Variants in TMEM204 observed in about 807,000 individuals in gnomAD.
The protein encoded by TMEM204 is transmembrane protein 204.
Under a neutral mutation model 19.4 loss-of-function variants are expected in TMEM204, and 15 were observed. The observed-to-expected ratio is 0.77, with a 90% CI of 0.52 to 1.19. TMEM204 has a LOEUF of 1.19. TMEM204 is among the 50% of genes most tolerant of loss of function. The pLI is 0.00. For missense variants in TMEM204, 287 were observed against 321.2 expected (o/e 0.89, Z 0.81); for synonymous variants, 161 against 146.0 (o/e 1.10, Z -0.74).
chr16:1,553,734 C>T lies in TMEM204; in HGVS notation c.437-1048C>T. 8.8e-7 allele frequency: 1 copy of T among 1,139,234 alleles called. No individual in the cohort carries two copies. Among genetic ancestry groups the T allele is most frequent in the South Asian group, 2.0e-5 (1 of 50,936 alleles). 70.6% of individuals were successfully genotyped at this position (1,139,234 alleles called of 1,614,324 possible). A position where few individuals can be genotyped will look rare whatever the true frequency, so the allele number is the denominator to read the frequency against. ...CCAGGACAATCTGTGGCCACATCCC[C>T]ATGGCTGTAGGGGATGAGGAGGGGC... On this transcript the variant is annotated intron_variant, in intron 2 of 2. Transcript: ENST00000566264. The surrounding 1 kb of genome is among the most constrained non-coding windows in gnomAD (Gnocchi z 4.4).
rs904285860 is a variant in TMEM204, at chr16:1,534,117, C to T, written c.-159C>T. 23 of 858,620 alleles carry T rather than the reference C, an allele frequency of 2.7e-5. No homozygotes were observed. The East Asian group carries it at 3.8e-4, about 14-fold the overall frequency. 53.2% of individuals were successfully genotyped at this position (858,620 alleles called of 1,614,324 possible). On this transcript the variant is annotated 5_prime_UTR_variant, in exon 1 of 3. Coordinates refer to ENST00000566264, the MANE Select transcript of TMEM204 (RefSeq NM_024600.6). Reference sequence around the variant, plus strand: ...AGGAGGATAAGGCCGGGCCGAGAGGCGGCACACCTGGACCATCCCATGGGC... The same window carrying T: ...AGGAGGATAAGGCCGGGCCGAGAGGTGGCACACCTGGACCATCCCATGGGC...
intron 2 of TMEM204, chr16:1,552,994 C>T (rs1230857246): frequency 1.0e-6 from 1 of 985,146 alleles, no homozygotes; most frequent in Non-Finnish European, 1.2e-6. Flanking sequence ...CCAGGAGCTA[C>T]CCATGTATAA....
chr16:1,543,431 C>T (rs1351378271), intron 2 of TMEM204, among the ~76,000 whole-genome samples: 1 of 152,020 alleles, frequency 6.6e-6, no homozygotes, highest in South Asian at 2.1e-4. Flanking sequence ...AATAGCATGG[C>T]GTGGCCCTGG....
rs186611876 is a variant in TMEM204 at position 1,544,344 on chromosome 16, C to T, written c.436+2268C>T. Among the ~76,000 whole-genome samples the T allele has an allele frequency of 1.5e-4, 22 of 151,116 alleles. No individual in the cohort carries two copies. In the East Asian group the frequency reaches 3.5e-3, roughly 24 times the overall value. On this transcript the variant is annotated intron_variant, in intron 2 of 2. Coordinates refer to ENST00000566264, the MANE Select transcript of TMEM204 (RefSeq NM_024600.6). ...GACTACAGGCGCCCGCCACCATGCC[C>T]GGCTAATTTTTTTTGTATTTTTAGT...
At chr16:1,540,672 CGG>C in intron 1 of TMEM204, 1 of 230,086 alleles carries the variant, frequency 4.3e-6, no homozygotes, top group Non-Finnish European at 7.2e-6. Context: ...GATGCGGGCG[CGG>C]GGACCCGCTC....
intron 2 of TMEM204, among the ~76,000 whole-genome samples, chr16:1,549,994 TC>T (rs1886301573): frequency 6.6e-6 from 1 of 152,200 alleles, no homozygotes; most frequent in African/African-American, 2.4e-5. Context: ...CTCTTTTTTG[TC>T]GCCCAGGCTG....
chr16:1,534,994 C>T (rs562394141), intron 1 of TMEM204, among the ~76,000 whole-genome samples: 80 of 152,038 alleles, frequency 5.3e-4, no homozygotes, highest in African/African-American at 1.8e-3. Flanking sequence ...TGCTTGAGGC[C>T]AAGAGTTCAA....
chr16:1,555,319 G>A lies in TMEM204; in HGVS notation c.*293G>A. The A allele has an allele frequency of 2.4e-6, 1 of 416,956 alleles. No individual in the cohort carries two copies. Among genetic ancestry groups the A allele is most frequent in the Non-Finnish European group, 4.3e-6 (1 of 230,176 alleles). 25.8% of individuals were successfully genotyped at this position (416,956 alleles called of 1,614,324 possible). A position where few individuals can be genotyped will look rare whatever the true frequency, so the allele number is the denominator to read the frequency against. On this transcript the variant is annotated 3_prime_UTR_variant, in exon 3 of 3. Coordinates refer to ENST00000566264, the MANE Select transcript of TMEM204 (RefSeq NM_024600.6). ...AGCTGGAAGCTGAGACACAGGTTAGGTGGCGCGAGGCTGCCCTGCGCTCCG... is the reference window on the plus strand; with the variant it reads ...AGCTGGAAGCTGAGACACAGGTTAGATGGCGCGAGGCTGCCCTGCGCTCCG...
At chr16:1,535,620 C>A (rs2030985613) in intron 1 of TMEM204, among the ~76,000 whole-genome samples, 1 of 152,210 alleles carries the variant, frequency 6.6e-6, no homozygotes, top group Non-Finnish European at 1.5e-5. Flanking sequence ...CCATCCCCAA[C>A]CTGCCGCGCT....
rs1035592195 is a variant in TMEM204, at chr16:1,553,949, G to C, written c.437-833G>C. ...GCTCCTCAAAGATAAAACTGTAAGTGAAACTGTAGCATCAGCGACTAACTA... is the reference window on the plus strand; with the variant it reads ...GCTCCTCAAAGATAAAACTGTAAGTCAAACTGTAGCATCAGCGACTAACTA... On this transcript the variant is annotated intron_variant, in intron 2 of 2. Coordinates refer to ENST00000566264, the MANE Select transcript of TMEM204 (RefSeq NM_024600.6). The surrounding 1 kb of genome is among the most constrained non-coding windows in gnomAD (Gnocchi z 4.4). 1 of 1,286,688 alleles carries C rather than the reference G, an allele frequency of 7.8e-7. No homozygotes were observed. Among genetic ancestry groups the C allele is most frequent in the Non-Finnish European group, 1.0e-6 (1 of 988,364 alleles). 79.7% of individuals were successfully genotyped at this position (1,286,688 alleles called of 1,614,324 possible). A position where few individuals can be genotyped will look rare whatever the true frequency, so the allele number is the denominator to read the frequency against.
At position 1,551,766 on chromosome 16, in the gene TMEM204, T is replaced by C. The variant is rs2281230; in HGVS notation, c.437-3016T>C. On this transcript the variant is annotated intron_variant, in intron 2 of 2. Coordinates refer to ENST00000566264, the MANE Select transcript of TMEM204 (RefSeq NM_024600.6). The surrounding 1 kb of genome is among the most constrained non-coding windows in gnomAD (Gnocchi z 4.0). The stretch of plus-strand genomic sequence containing the variant: ...TATACAAAGGAGGCCACACCACACG[T>C]GCGTGGTCCGGCAGATCCGGCAAGA... 0.37 allele frequency among the ~76,000 whole-genome samples: 56,399 copies of C among 152,016 alleles called. 12,416 individuals carry two copies. The highest frequency in any genetic ancestry group is 0.62 in the African/African-American group (25,528 of 41,430).
intron 1 of TMEM204, among the ~76,000 whole-genome samples, chr16:1,535,614 C>A (rs572047822): frequency 6.6e-6 from 1 of 152,318 alleles, no homozygotes; most frequent in East Asian, 1.9e-4. Flanking sequence ...ACAGCTCCAT[C>A]CCCAACCTGC....
At chr16:1,548,498 A>G (rs946000823) in intron 2 of TMEM204, among the ~76,000 whole-genome samples, 16 of 152,242 alleles carry the variant, frequency 1.1e-4, no homozygotes, top group African/African-American at 3.9e-4. Flanking sequence ...ATGAAATGGA[A>G]TTGATTCCAT....
At chr16:1,552,954 A>G (rs890495930) in intron 2 of TMEM204, 2 of 984,786 alleles carry the variant, frequency 2.0e-6, no homozygotes, top group African/African-American at 3.5e-5. Context: ...TGCCTTGTCT[A>G]GAATGTTATT....
chr16:1,531,585 C>T (rs2030498569), upstream of TMEM204: 1 of 152,258 alleles, frequency 6.6e-6, no homozygotes, highest in South Asian at 2.1e-4. This position sits in a 1 kb window ranked among gnomAD's most constrained non-coding sequence, Gnocchi z 4.7. Context: ...AGCTGCGAGT[C>T]CCCTTACTGG....
At chr16:1,545,522 T>C (rs1274490600) in intron 2 of TMEM204, among the ~76,000 whole-genome samples, 2 of 152,112 alleles carry the variant, frequency 1.3e-5, no homozygotes, top group Admixed American at 1.3e-4. Flanking sequence ...GGGTTTTTTT[T>C]CCTGTACTCG....
intron 1 of TMEM204, among the ~76,000 whole-genome samples, chr16:1,536,516 G>A (rs1052837154): frequency 8.5e-5 from 13 of 152,344 alleles, no homozygotes; most frequent in East Asian, 1.9e-4. Flanking sequence ...CCTGAGCAGC[G>A]AAGGTTTGTC....
In TMEM204 at chr16:1,545,896, G is replaced by T. The variant is rs563517745; in HGVS notation, c.436+3820G>T. On this transcript the variant is annotated intron_variant, in intron 2 of 2. Coordinates refer to ENST00000566264, the MANE Select transcript of TMEM204 (RefSeq NM_024600.6). ...GGGACCACCCTCCTCGCCCCTCAAG[G>T]CTCCCTCTTCCCTGCTCTGACACCC... 8.8e-4 allele frequency among the ~76,000 whole-genome samples: 134 copies of T among 152,304 alleles called. 3 individuals carry two copies. The South Asian group carries it at 0.025, about 29-fold the overall frequency.
chr16:1,553,293 T>A lies in TMEM204; in HGVS notation c.437-1489T>A, dbSNP rs2032826525. The A allele has an allele frequency of 4.1e-6, 4 of 982,778 alleles. No homozygotes were observed. Among genetic ancestry groups the A allele is most frequent in the South Asian group, 4.7e-5 (1 of 21,198 alleles). The allele number at this position is 982,778 out of a possible 1,614,324, so 60.9% of individuals were successfully genotyped here. ...GTCTCTGTCTCTCTGTGTCTCTGCC[T>A]GTCTCTCTGTGTCTCTGTCTCTGTG... On this transcript the variant is annotated intron_variant, in intron 2 of 2. Coordinates refer to ENST00000566264, the MANE Select transcript of TMEM204 (RefSeq NM_024600.6). The surrounding 1 kb of genome is among the most constrained non-coding windows in gnomAD (Gnocchi z 4.4).
Sources: allele counts gnomAD v4.1 joint callset (sites outside exome capture counted in the v4.1 genomes callset), GRCh38; gene constraint gnomAD v4.1.1; non-coding constraint Gnocchi (gnomAD v3.1); transcripts MANE v1.5; gene names NCBI Gene and HGNC (gene_info 2026-07-23, HGNC 2026-07-21).